Variants in CCDC171 observed in about 807,000 individuals in gnomAD.
CCDC171 encodes coiled-coil domain-containing protein 171.
In CCDC171, 177 loss-of-function variants were observed where a neutral mutation model predicts 168.2. The observed-to-expected ratio is 1.05, with a 90% CI of 0.93 to 1.19. The LOEUF (loss-of-function observed/expected upper bound fraction) is 1.19. CCDC171 is among the 50% of genes most tolerant of loss of function. The pLI is 0.00. For synonymous variants in CCDC171, 687 were observed against 540.8 expected, an observed-to-expected ratio of 1.27 and a Z score of -3.75; for missense variants, 1,991 against 1,539.0, an observed-to-expected ratio of 1.29 and a Z score of -4.91.
intron 9 of CCDC171, among the ~76,000 whole-genome samples, chr9:15,674,165 C>G (rs1010480372): frequency 2.6e-5 from 4 of 152,086 alleles, no homozygotes; most frequent in African/African-American, 7.2e-5. Context: ...TTATAGTATT[C>G]TCTGATAGTA....
At chr9:15,721,379 G>GTA (rs1338304743) in intron 11 of CCDC171, among the ~76,000 whole-genome samples, 1 of 151,782 alleles carries the variant, frequency 6.6e-6, no homozygotes, top group Non-Finnish European at 1.5e-5. Context: ...CAATGGTAAT[G>GTA]TATACTTCAT....
At chr9:16,075,855 T>TAGCACAGCAC in the CCDC171 span, among the ~76,000 whole-genome samples, 1 of 151,290 alleles carries the variant, frequency 6.6e-6, no homozygotes, top group African/African-American at 2.5e-5. Flanking sequence ...TAGCATAGCA[T>TAGCACAGCAC]AGCACAGCAC....
At chr9:15,635,997 G>C (rs373801080) in intron 7 of CCDC171, among the ~76,000 whole-genome samples, 1 of 152,074 alleles carries the variant, frequency 6.6e-6, no homozygotes, top group African/African-American at 2.4e-5. Context: ...GGTGTGAAAT[G>C]GTACCTTATT....
chr9:15,780,294 A>G (rs1042106256), intron 20 of CCDC171, among the ~76,000 whole-genome samples: 2 of 152,198 alleles, frequency 1.3e-5, no homozygotes, highest in Non-Finnish European at 2.9e-5. Context: ...TGCTCAGAGA[A>G]GGAAAATTTA....
At chr9:15,982,328 G>A (rs537599522) in intron 3 of CCDC171, among the ~76,000 whole-genome samples, 17 of 152,258 alleles carry the variant, frequency 1.1e-4, no homozygotes, top group African/African-American at 4.1e-4. Flanking sequence ...TGTGTCCTTA[G>A]GCAAGTTATT....
At chr9:15,757,045 A>G (rs1194767188) in intron 18 of CCDC171, among the ~76,000 whole-genome samples, 2 of 152,186 alleles carry the variant, frequency 1.3e-5, no homozygotes, top group Non-Finnish European at 2.9e-5. Context: ...TAACTAATAC[A>G]GTAAATTGGT....
intron 25 of CCDC171, among the ~76,000 whole-genome samples, chr9:15,923,195 C>A (rs894263768): frequency 6.6e-6 from 1 of 151,336 alleles, no homozygotes; most frequent in African/African-American, 2.4e-5. Context: ...GTTGTGATAT[C>A]TGCGCTCCTA....
chr9:15,752,762 G>T (rs1366749190), intron 18 of CCDC171, among the ~76,000 whole-genome samples: 2 of 152,048 alleles, frequency 1.3e-5, no homozygotes, highest in Non-Finnish European at 2.9e-5. Context: ...CTGGGAGAGG[G>T]ATAGCATTAG....
chr9:15,868,988 T>C (rs2061911438), intron 23 of CCDC171, among the ~76,000 whole-genome samples: 1 of 152,060 alleles, frequency 6.6e-6, no homozygotes, highest in South Asian at 2.1e-4. Flanking sequence ...TTAAATTGCT[T>C]CTAGATTTAT....
chr9:16,107,148 C>T, the CCDC171 span, among the ~76,000 whole-genome samples: 127 of 152,222 alleles, frequency 8.3e-4, no homozygotes, highest in African/African-American at 2.9e-3. Context: ...TAATCACCCT[C>T]ATATATGAAT....
At chr9:16,012,337 A>T (rs767778492) in intron 3 of CCDC171, among the ~76,000 whole-genome samples, 2 of 152,034 alleles carry the variant, frequency 1.3e-5, no homozygotes, top group Non-Finnish European at 2.9e-5. Flanking sequence ...TCTACTCCTT[A>T]TGCTGGAAAT....
At chr9:15,618,013 CCTTAGGAGTGCGGGTG>C (rs2044220109) in intron 6 of CCDC171, among the ~76,000 whole-genome samples, 1 of 152,160 alleles carries the variant, frequency 6.6e-6, no homozygotes, top group South Asian at 2.1e-4. Flanking sequence ...GGCAGTCTGT[CCTTAGGAGTGCGGGTG>C]CGCTGTGCTG....
intron 25 of CCDC171, 129 bp downstream of exon 25, chr9:15,920,551 A>G (rs1825181424): frequency 1.5e-6 from 1 of 659,362 alleles, no homozygotes; most frequent in Non-Finnish European, 2.4e-6. Flanking sequence ...ATCAAGTGAC[A>G]TAAAATTATT....
intron 3 of CCDC171, among the ~76,000 whole-genome samples, chr9:16,020,397 A>G (rs1412594834): frequency 6.6e-6 from 1 of 152,242 alleles, no homozygotes; most frequent in Non-Finnish European, 1.5e-5. Flanking sequence ...TATTCAAACC[A>G]TATATGCTAT....
At chr9:15,641,414 T>C (rs2046594721) in intron 7 of CCDC171, among the ~76,000 whole-genome samples, 1 of 152,198 alleles carries the variant, frequency 6.6e-6, no homozygotes. Flanking sequence ...CAGAATGTAG[T>C]AGAAACTGTT....
chr9:16,007,178 G>A (rs1832728310), intron 3 of CCDC171, among the ~76,000 whole-genome samples: 1 of 152,152 alleles, frequency 6.6e-6, no homozygotes, highest in African/African-American at 2.4e-5. Context: ...TTCCCTGATG[G>A]CCAGTGATGG....
At chr9:15,983,817 A>AGAGT (rs368957982) in intron 3 of CCDC171, among the ~76,000 whole-genome samples, 18 of 142,638 alleles carry the variant, frequency 1.3e-4, no homozygotes, top group South Asian at 6.9e-4. Context: ...AAATAAAGAG[A>AGAGT]GTGTGTGTGT....
intron 23 of CCDC171, among the ~76,000 whole-genome samples, chr9:15,872,440 A>G (rs1297217002): frequency 6.6e-6 from 1 of 152,000 alleles, no homozygotes; most frequent in African/African-American, 2.4e-5. Flanking sequence ...TAATCAGGTT[A>G]AAGGACCTCC....
chr9:15,606,236 G>A (rs1199681898), intron 6 of CCDC171, among the ~76,000 whole-genome samples: 1 of 152,138 alleles, frequency 6.6e-6, no homozygotes, highest in Admixed American at 6.5e-5. Flanking sequence ...AGGGAATATT[G>A]TATTTCAGTA....
Sources: gnomAD v4.1 joint callset for allele counts (sites outside exome capture counted in the v4.1 genomes callset) on GRCh38, gnomAD v4.1.1 for gene constraint, MANE v1.5 for transcripts, NCBI Gene and HGNC (gene_info 2026-07-23, HGNC 2026-07-21) for gene names.